Variants in IGSF21 observed in about 807,000 individuals in gnomAD.
IGSF21 encodes immunoglobin superfamily member 21.
IGSF21 carries 28 observed loss-of-function variants against 46.8 expected under a neutral mutation model. The ratio of observed to expected loss-of-function variants is 0.60; its 90% CI spans 0.44 to 0.82. The LOEUF (loss-of-function observed/expected upper bound fraction) is 0.82. Among genes scored for constraint, IGSF21 ranks in the 40% least tolerant of loss-of-function variants. The pLI, the probability that IGSF21 is intolerant of heterozygous loss-of-function variation, is 0.00. For missense variants in IGSF21, 624 were observed against 665.5 expected, an observed-to-expected ratio of 0.94 and a Z score of 0.69; for synonymous variants, 284 against 273.6, an observed-to-expected ratio of 1.04 and a Z score of -0.38.
intron 1 of IGSF21, among the ~76,000 whole-genome samples, chr1:18,171,189 C>T (rs2086732962): frequency 6.6e-6 from 1 of 151,960 alleles, no homozygotes; most frequent in Non-Finnish European, 1.5e-5. Context: ...CCAGAGCCAC[C>T]CTAGGCTCAG....
intron 1 of IGSF21, among the ~76,000 whole-genome samples, chr1:18,209,462 C>CT (rs1304977558): frequency 1.9e-4 from 28 of 145,050 alleles, no homozygotes; most frequent in South Asian, 8.8e-4. Flanking sequence ...TTCTTTCTTT[C>CT]TTTTTTTTTT....
chr1:18,196,558 C>T (rs2087011343), intron 1 of IGSF21, among the ~76,000 whole-genome samples: 1 of 152,176 alleles, frequency 6.6e-6, no homozygotes, highest in Admixed American at 6.5e-5. Context: ...GAAGGTACCC[C>T]CTGAAAAATT....
intron 2 of IGSF21, among the ~76,000 whole-genome samples, chr1:18,237,481 G>A (rs1481566330): frequency 3.3e-5 from 5 of 152,282 alleles, no homozygotes; most frequent in South Asian, 4.1e-4. Flanking sequence ...CAAAACAGAC[G>A]AAAAGCCCCA....
At chr1:18,326,020 G>A (rs2085654084) in intron 3 of IGSF21, among the ~76,000 whole-genome samples, 1 of 151,956 alleles carries the variant, frequency 6.6e-6, no homozygotes, top group Admixed American at 6.5e-5. Flanking sequence ...GGGAAGAGCA[G>A]AGACCTCTTC....
chr1:18,235,481 A>G (rs964732009), intron 2 of IGSF21, among the ~76,000 whole-genome samples: 1 of 152,234 alleles, frequency 6.6e-6, no homozygotes, highest in Non-Finnish European at 1.5e-5. Context: ...AGGAAAAGAC[A>G]TTTAAGCTGA....
At position 18,141,168 on chromosome 1, in the gene IGSF21, G is replaced by T. The variant is rs901301093; in HGVS notation, c.70+32970G>T. On this transcript the variant is annotated intron_variant, in intron 1 of 9. Transcript: ENST00000251296. The stretch of plus-strand genomic sequence containing the variant: ...TGGGCATCCAGGCTGATGGGAATTG[G>T]CTTTGAGAAGGAAGGATCTTAAGCT... Among the ~76,000 whole-genome samples the T allele has an allele frequency of 5.3e-5, 8 of 152,344 alleles. No homozygotes were observed. In the East Asian group the frequency reaches 1.5e-3, roughly 29 times the overall value.
intron 1 of IGSF21, chr1:18,176,015 T>C (rs1209735781): frequency 6.6e-6 from 1 of 152,212 alleles, no homozygotes; most frequent in Non-Finnish European, 1.5e-5. Context: ...GTGAGCTCAT[T>C]GTACCCTCTG....
At chr1:18,167,846 G>A (rs1185256861) in intron 1 of IGSF21, 1 of 152,154 alleles carries the variant, frequency 6.6e-6, no homozygotes, top group Non-Finnish European at 1.5e-5. Flanking sequence ...GCACTCTCAG[G>A]TTCCCGGCGC....
chr1:18,210,263 C>A (rs981081127), intron 1 of IGSF21, among the ~76,000 whole-genome samples: 8 of 152,292 alleles, frequency 5.3e-5, no homozygotes, highest in Middle Eastern at 3.4e-3. Context: ...GGATCCCCCC[C>A]AGACACTCTC....
intron 3 of IGSF21, among the ~76,000 whole-genome samples, chr1:18,315,227 G>A (rs2085528768): frequency 6.6e-6 from 1 of 152,180 alleles, no homozygotes; most frequent in African/African-American, 2.4e-5. Context: ...CGAGCTGAGA[G>A]TTTTGCTCCT....
intron 1 of IGSF21, among the ~76,000 whole-genome samples, chr1:18,154,654 T>A (rs1375898479): frequency 7.4e-5 from 11 of 148,032 alleles, no homozygotes; most frequent in African/African-American, 2.5e-4. Context: ...TAGAACTCAC[T>A]TGAAGGATGT....
chr1:18,133,408 G>A (rs980260616), intron 1 of IGSF21, among the ~76,000 whole-genome samples: 2 of 152,258 alleles, frequency 1.3e-5, no homozygotes, highest in African/African-American at 4.8e-5. Flanking sequence ...CTACACAGCC[G>A]CTGTGTGGCC....
chr1:18,312,668 G>T (rs768282947), intron 3 of IGSF21, among the ~76,000 whole-genome samples: 1 of 152,104 alleles, frequency 6.6e-6, no homozygotes, highest in African/African-American at 2.4e-5. Flanking sequence ...CGACCCTCCT[G>T]TCTCCCTCCA....
rs1029442279 is a variant in IGSF21, at chr1:18,337,938, G to A, written c.424+2928G>A. Among the ~76,000 whole-genome samples the A allele has an allele frequency of 4.6e-5, 7 of 152,288 alleles. No homozygotes were observed. Among genetic ancestry groups the A allele is most frequent in the South Asian group, 4.1e-4 (2 of 4,824 alleles). ...GGGGTTATCTCTGTGCCAGAGGAGC[G>A]TGGCTTCTGTAGCTCACCAAGGTCC... On this transcript the variant is annotated intron_variant, in intron 4 of 9. Transcript: ENST00000251296. This position sits in a 1 kb window ranked among gnomAD's most constrained non-coding sequence, Gnocchi z 5.7.
chr1:18,294,558 C>T (rs1287382562), intron 3 of IGSF21, among the ~76,000 whole-genome samples: 1 of 152,234 alleles, frequency 6.6e-6, no homozygotes, highest in Non-Finnish European at 1.5e-5. Flanking sequence ...AGACCCCTTG[C>T]TTTTCAGTTG....
intron 1 of IGSF21, among the ~76,000 whole-genome samples, chr1:18,203,709 T>G (rs780113146): frequency 6.6e-5 from 10 of 152,194 alleles, no homozygotes; most frequent in Non-Finnish European, 1.2e-4. Flanking sequence ...GAGTCTGCTA[T>G]GAAGGGGAAC....
At chr1:18,304,600 G>C (rs1040157682) in intron 3 of IGSF21, among the ~76,000 whole-genome samples, 11 of 152,116 alleles carry the variant, frequency 7.2e-5, no homozygotes, top group Non-Finnish European at 1.3e-4. Flanking sequence ...GCTCAATGCA[G>C]CTTCCCCCTG....
intron 1 of IGSF21, among the ~76,000 whole-genome samples, chr1:18,199,219 G>A (rs151323903): frequency 3.1e-4 from 47 of 152,192 alleles, no homozygotes; most frequent in African/African-American, 1.1e-3. Context: ...CCCATCAGTG[G>A]CGTGCCCTGA....
chr1:18,362,750 G>A (rs1374291889), intron 5 of IGSF21, among the ~76,000 whole-genome samples: 1 of 152,198 alleles, frequency 6.6e-6, no homozygotes, highest in Non-Finnish European at 1.5e-5. Flanking sequence ...GGAGGGAAGA[G>A]AGAGGAAATT....
Sources: allele counts gnomAD v4.1 joint callset (sites outside exome capture counted in the v4.1 genomes callset), GRCh38; gene constraint gnomAD v4.1.1; non-coding constraint Gnocchi (gnomAD v3.1); transcripts MANE v1.5; gene names NCBI Gene and HGNC (gene_info 2026-07-23, HGNC 2026-07-21).